PRKCB: variants seen among roughly 807,000 people sequenced by gnomAD.
PRKCB encodes protein kinase C beta type.
A neutral mutation model predicts 81.5 loss-of-function variants in PRKCB; 13 were observed. That is an observed-to-expected ratio of 0.16 (90% CI 0.10 to 0.25). PRKCB has a LOEUF of 0.25. PRKCB is among the 10% of genes least tolerant of loss of function. The pLI is 1.00. For synonymous variants in PRKCB, 335 were observed against 321.4 expected (o/e 1.04, Z -0.45); for missense variants, 509 against 875.7 (o/e 0.58, Z 5.29).
chr16:24,211,759 C>T (rs1234708051), intron 16 of PRKCB, among the ~76,000 whole-genome samples: 2 of 151,978 alleles, frequency 1.3e-5, no homozygotes, highest in Non-Finnish European at 2.9e-5. Flanking sequence ...GGGATTTCAC[C>T]ATGTTGGCCA....
chr16:24,112,635 AG>A (rs1966689160), intron 7 of PRKCB, among the ~76,000 whole-genome samples: 1 of 152,242 alleles, frequency 6.6e-6, no homozygotes, highest in Non-Finnish European at 1.5e-5. Context: ...ATGGACAAAA[AG>A]TAGGTAAAAA....
intron 9 of PRKCB, among the ~76,000 whole-genome samples, chr16:24,125,821 T>A (rs919741938): frequency 3.9e-5 from 6 of 152,148 alleles, no homozygotes; most frequent in Non-Finnish European, 7.4e-5. Context: ...AAATGATGGC[T>A]CAAAGTCTGA....
chr16:24,154,687 A>C lies in PRKCB; in HGVS notation c.1069A>C (p.Met357Leu). The C allele has an allele frequency of 2.5e-6, 4 of 1,614,136 alleles. No individual in the cohort carries two copies. Among genetic ancestry groups the C allele is most frequent in the African/African-American group, 1.3e-5 (1 of 75,056 alleles). ...VLGKGSFGKV[M>L]LSERKGTDEL... Reference sequence around the variant, plus strand: ...ACATGCTTGCTCTCTTTCCCAGGTCATGCTTTCAGAACGAAAAGGCACAGA... The same window carrying C: ...ACATGCTTGCTCTCTTTCCCAGGTCCTGCTTTCAGAACGAAAAGGCACAGA... Residue 357 changes from methionine to leucine, a missense_variant, in exon 10 of 17, where the codon ATG becomes CTG. Physicochemically the swap from Met to Leu is conservative, Grantham distance 15. Transcript: ENST00000643927.
At position 24,092,953 on chromosome 16, in the gene PRKCB, T is replaced by C. The variant is rs759011396; in HGVS notation, c.686+6T>C. On this transcript the variant is annotated splice_donor_region_variant and intron_variant, in intron 6 of 16. Transcript: ENST00000643927. Reference sequence around the variant, plus strand: ...TGGAATGAGACATTTAGATTGTAAGTGGAAATGACTGCAGTGAGCATGGGT... The same window carrying C: ...TGGAATGAGACATTTAGATTGTAAGCGGAAATGACTGCAGTGAGCATGGGT... 1 of 1,612,896 alleles carries C rather than the reference T, an allele frequency of 6.2e-7. No homozygotes were observed. The highest frequency in any genetic ancestry group is 1.1e-5 in the South Asian group (1 of 91,070).
chr16:23,920,983 G>A (rs545704432), intron 2 of PRKCB, among the ~76,000 whole-genome samples: 62 of 152,264 alleles, frequency 4.1e-4, no homozygotes, highest in African/African-American at 1.4e-3. Context: ...GCAAAGTCAC[G>A]TCTTACATGG....
At chr16:24,087,696 T>A (rs1966326672) in intron 5 of PRKCB, among the ~76,000 whole-genome samples, 1 of 152,260 alleles carries the variant, frequency 6.6e-6, no homozygotes, top group South Asian at 2.1e-4. Context: ...TTCTGACAGA[T>A]AATTGTATCT....
intron 2 of PRKCB, among the ~76,000 whole-genome samples, chr16:23,844,288 C>T: frequency 6.6e-6 from 1 of 152,140 alleles, no homozygotes; most frequent in East Asian, 1.9e-4. Flanking sequence ...GAATGTTAGC[C>T]TTTTTACAGA....
At position 24,046,710 on chromosome 16, in the gene PRKCB, T is replaced by A. The variant is rs191344327; in HGVS notation, c.529+11163T>A. Among the ~76,000 whole-genome samples the A allele has an allele frequency of 7.4e-3, 1,118 of 151,806 alleles. 12 individuals are homozygous for A. Among genetic ancestry groups the A allele is most frequent in the African/African-American group, 0.026 (1,078 of 41,408 alleles). On this transcript the variant is annotated intron_variant, in intron 5 of 16. Transcript: ENST00000643927. ...GAGCCTCGGGATGGGGAGGGGTGGGTGACGCTGGAGGAAAGGCAGGGACAG... is the reference window on the plus strand; with the variant it reads ...GAGCCTCGGGATGGGGAGGGGTGGGAGACGCTGGAGGAAAGGCAGGGACAG...
At chr16:23,982,170 T>C (rs1964740452) in intron 2 of PRKCB, among the ~76,000 whole-genome samples, 1 of 32,244 alleles carries the variant, frequency 3.1e-5, no homozygotes, top group South Asian at 3.2e-3. Flanking sequence ...CCCTTTCCCT[T>C]CCCTTTCCCT....
intron 2 of PRKCB, among the ~76,000 whole-genome samples, chr16:23,853,890 A>C (rs1962514444): frequency 6.7e-6 from 1 of 150,374 alleles, no homozygotes; most frequent in African/African-American, 2.4e-5. Flanking sequence ...TAATTTATAA[A>C]GGAAAGAGGT....
At chr16:23,924,132 G>A (rs767971365) in intron 2 of PRKCB, among the ~76,000 whole-genome samples, 7 of 152,002 alleles carry the variant, frequency 4.6e-5, no homozygotes, top group Non-Finnish European at 1.0e-4. Flanking sequence ...TTTCTCCCAT[G>A]CTGTTCTCAT....
At chr16:24,187,345 G>A (rs781085211) in intron 15 of PRKCB, among the ~76,000 whole-genome samples, 2 of 152,126 alleles carry the variant, frequency 1.3e-5, no homozygotes, top group East Asian at 1.9e-4. Flanking sequence ...ATTAATTGCC[G>A]CAGGACCTTG....
Position 24,197,017 on chromosome 16 carries a change from AGCGTGTGCT to A in PRKCB, c.1863+5789_1863+5797del, listed in dbSNP as rs542354157. Among the ~76,000 whole-genome samples, 315 of 152,284 alleles carry A rather than the reference AGCGTGTGCT, an allele frequency of 2.1e-3. 1 individual carries two copies. Among genetic ancestry groups the A allele is most frequent in the African/African-American group, 7.4e-3 (308 of 41,554 alleles). Reference sequence around the variant, plus strand: ...ATGATGGAGCAGTGGCTTGGGAAGAAGCGTGTGCTGGTTCTGTCCTCTGGTGGGGATGTT... The same window carrying A: ...ATGATGGAGCAGTGGCTTGGGAAGAAGGTTCTGTCCTCTGGTGGGGATGTT... On this transcript the variant is annotated intron_variant, in intron 16 of 16. Coordinates refer to ENST00000643927, the MANE Select transcript of PRKCB (RefSeq NM_002738.7).
chr16:24,174,709 C>A, intron 12 of PRKCB, 129 bp downstream of exon 12: 4 of 871,120 alleles, frequency 4.6e-6, no homozygotes, highest in South Asian at 1.7e-5. Context: ...CTAACTTGGG[C>A]ATGTGTTCTG....
At chr16:24,173,301 C>T (rs1967473903) in intron 11 of PRKCB, among the ~76,000 whole-genome samples, 1 of 152,160 alleles carries the variant, frequency 6.6e-6, no homozygotes, top group African/African-American at 2.4e-5. Context: ...CATTCCCCTG[C>T]TTAGGAACAT....
chr16:23,847,128 G>A (rs1458915540), intron 2 of PRKCB, among the ~76,000 whole-genome samples: 1 of 152,062 alleles, frequency 6.6e-6, no homozygotes, highest in Non-Finnish European at 1.5e-5. Flanking sequence ...CCATAGCTGT[G>A]TTCCTGGGGT....
At chr16:24,055,475 T>C (rs1461258200) in intron 5 of PRKCB, among the ~76,000 whole-genome samples, 4 of 152,258 alleles carry the variant, frequency 2.6e-5, no homozygotes, top group Non-Finnish European at 4.4e-5. Flanking sequence ...TCGGCTTCTC[T>C]GGCCCTTGCT....
chr16:23,867,289 T>C (rs1452140472), intron 2 of PRKCB, among the ~76,000 whole-genome samples: 1 of 152,058 alleles, frequency 6.6e-6, no homozygotes, highest in African/African-American at 2.4e-5. Context: ...TGGCTGATTT[T>C]TTTTGTATTT....
At chr16:23,986,139 A>T (rs1427157696) in intron 2 of PRKCB, among the ~76,000 whole-genome samples, 7 of 152,234 alleles carry the variant, frequency 4.6e-5, no homozygotes, top group Non-Finnish European at 1.0e-4. Flanking sequence ...TAATATTTAT[A>T]TGACCTTGGA....
Sources: allele counts gnomAD v4.1 joint callset (sites outside exome capture counted in the v4.1 genomes callset), GRCh38; gene constraint gnomAD v4.1.1; transcripts MANE v1.5; gene names NCBI Gene and HGNC (gene_info 2026-07-23, HGNC 2026-07-21).